The following CEP112 variants were observed in gnomAD, a reference collection of about 807,000 sequenced individuals.
CEP112 encodes the protein centrosomal protein of 112 kDa.
CEP112 carries 127 observed loss-of-function variants against 153.0 expected under a neutral mutation model. The ratio of observed to expected loss-of-function variants is 0.83; its 90% confidence interval spans 0.72 to 0.96. The LOEUF (loss-of-function observed/expected upper bound fraction) is 0.96. Ranked by LOEUF, CEP112 falls within the 40% of genes least tolerant of loss-of-function variation. CEP112 has a pLI of 0.00. For synonymous variants in CEP112, 358 were observed against 374.4 expected, an observed-to-expected ratio of 0.96 and a Z score of 0.51; for missense variants, 1,089 against 1,101.2, an observed-to-expected ratio of 0.99 and a Z score of 0.16.
At chr17:66,064,272 C>G (rs1490539413) in intron 10 of CEP112, among the ~76,000 whole-genome samples, 1 of 152,090 alleles carries the variant, frequency 6.6e-6, no homozygotes, top group Non-Finnish European at 1.5e-5. Context: ...TAAAGGAACC[C>G]CTCCTTTCAA....
chr17:65,850,742 G>C (rs1255578787), intron 21 of CEP112, among the ~76,000 whole-genome samples: 1 of 152,082 alleles, frequency 6.6e-6, no homozygotes, highest in Non-Finnish European at 1.5e-5. Context: ...ACGTGACCTG[G>C]ACCCACACCC....
At chr17:65,697,713 A>T (rs1158352115) in intron 23 of CEP112, among the ~76,000 whole-genome samples, 1 of 152,138 alleles carries the variant, frequency 6.6e-6, no homozygotes, top group Non-Finnish European at 1.5e-5. Flanking sequence ...CTGTTTTATT[A>T]TCATTTTTAA....
chr17:65,939,525 G>T (rs1450663698), intron 18 of CEP112, among the ~76,000 whole-genome samples: 1 of 152,100 alleles, frequency 6.6e-6, no homozygotes, highest in East Asian at 1.9e-4. Context: ...AAACAGCATG[G>T]TATAGGCACA....
intron 18 of CEP112, among the ~76,000 whole-genome samples, chr17:65,941,807 A>C (rs750954253): frequency 1.3e-5 from 2 of 150,920 alleles, no homozygotes; most frequent in Non-Finnish European, 3.0e-5. Context: ...TTTTGGAGAC[A>C]GTGTCTTGCT....
In CEP112 at chr17:66,176,870, C is replaced by T. The variant is rs750253375; in HGVS notation, c.257G>A (p.Arg86Gln). ...AATTTTTAGTGTCCCGGGTTCAGGT[C>T]GGTGTGTAAAAGGGCCTTCAAGCGC... ...RGALEGPFTH[R>Q]PEPGTLKILP... The change falls in exon 3 of 27, where the codon CGA (arginine) becomes CAA (glutamine). Residue 86 changes from arginine (R) to glutamine (Q), a missense_variant. Arg to Gln is a conservative substitution (Grantham distance 43). Transcript: ENST00000535342. 1.9e-6 allele frequency: 3 copies of T among 1,612,970 alleles called. No individual in the cohort carries two copies. The highest frequency in any genetic ancestry group is 1.7e-5 in the Admixed American group (1 of 59,842).
intron 12 of CEP112, among the ~76,000 whole-genome samples, chr17:66,041,856 A>C (rs2065995784): frequency 6.6e-6 from 1 of 152,154 alleles, no homozygotes; most frequent in Non-Finnish European, 1.5e-5. Context: ...AAATTCCAAA[A>C]ATTTATATAG....
At chr17:65,902,014 C>CAAAA in intron 20 of CEP112, 138 bp downstream of exon 20, 1 of 95,144 alleles carries the variant, frequency 1.1e-5, no homozygotes, top group Non-Finnish European at 1.9e-5. Context: ...GGGAGAAAAA[C>CAAAA]AAAAAAAAAA....
At chr17:65,712,825 G>A (rs894964960) in intron 23 of CEP112, among the ~76,000 whole-genome samples, 2 of 152,060 alleles carry the variant, frequency 1.3e-5, no homozygotes, top group African/African-American at 2.4e-5. Context: ...TGCTGTGGGC[G>A]ATACTCAAAA....
chr17:66,149,894 T>C (rs1395175251), intron 4 of CEP112, among the ~76,000 whole-genome samples: 3 of 104,276 alleles, frequency 2.9e-5, no homozygotes, highest in Admixed American at 9.7e-5. Context: ...GTTTGTTTTT[T>C]TTTTTTTTTT....
At chr17:66,045,077 ATTT>A (rs61108676) in intron 12 of CEP112, among the ~76,000 whole-genome samples, 4 of 136,480 alleles carry the variant, frequency 2.9e-5, no homozygotes, top group Admixed American at 1.6e-4. Context: ...CAAAAAAAAA[ATTT>A]TTTTTTTTGA....
intron 21 of CEP112, among the ~76,000 whole-genome samples, chr17:65,795,008 A>G (rs190928855): frequency 2.1e-3 from 321 of 152,358 alleles, no homozygotes; most frequent in Non-Finnish European, 3.7e-3. Context: ...AAACGTGTTG[A>G]AAGAACGAAT....
At chr17:65,828,978 C>T (rs1344621623) in intron 21 of CEP112, among the ~76,000 whole-genome samples, 1 of 151,774 alleles carries the variant, frequency 6.6e-6, no homozygotes, top group African/African-American at 2.4e-5. Context: ...TATAGATAAC[C>T]ACAGGCTTTC....
intron 4 of CEP112, among the ~76,000 whole-genome samples, chr17:66,171,550 C>T (rs970762631): frequency 5.3e-5 from 8 of 152,086 alleles, no homozygotes; most frequent in Non-Finnish European, 1.2e-4. Context: ...TATGATCACT[C>T]AGAGTAAAGG....
chr17:65,821,245 T>C (rs988023604), intron 21 of CEP112, among the ~76,000 whole-genome samples: 2 of 151,758 alleles, frequency 1.3e-5, no homozygotes, highest in Non-Finnish European at 1.5e-5. Flanking sequence ...TGTGGAAATA[T>C]GTATGTGTTT....
At chr17:65,710,906 G>A (rs1450554380) in intron 23 of CEP112, among the ~76,000 whole-genome samples, 2 of 152,314 alleles carry the variant, frequency 1.3e-5, no homozygotes, top group East Asian at 3.9e-4. Flanking sequence ...AGTGAAAACT[G>A]GGCGCTTCTG....
chr17:65,974,083 C>CT (rs954952160), intron 17 of CEP112, among the ~76,000 whole-genome samples: 36 of 146,528 alleles, frequency 2.5e-4, no homozygotes, highest in Middle Eastern at 3.4e-3. Context: ...TTTCTTACTT[C>CT]TTTTTTTTTT....
At chr17:65,691,512 T>G (rs1430004102) in intron 23 of CEP112, among the ~76,000 whole-genome samples, 1 of 152,220 alleles carries the variant, frequency 6.6e-6, no homozygotes, top group Non-Finnish European at 1.5e-5. Context: ...AGTGAAATGG[T>G]CTGTGAATGA....
At chr17:66,038,523 G>A (rs1273790146) in intron 12 of CEP112, among the ~76,000 whole-genome samples, 1 of 152,134 alleles carries the variant, frequency 6.6e-6, no homozygotes, top group African/African-American at 2.4e-5. Context: ...GAATAAAAGA[G>A]CTGAGAGGAT....
intron 24 of CEP112, among the ~76,000 whole-genome samples, chr17:65,651,651 TTCTC>T (rs977464707): frequency 2.0e-5 from 3 of 151,366 alleles, no homozygotes; most frequent in Non-Finnish European, 2.9e-5. Context: ...CTCTCTTTCT[TTCTC>T]TTTCTTTCTC....
Sources: gnomAD v4.1 joint callset for allele counts (sites outside exome capture counted in the v4.1 genomes callset) on GRCh38, gnomAD v4.1.1 for gene constraint, MANE v1.5 for transcripts, NCBI Gene and HGNC (gene_info 2026-07-23, HGNC 2026-07-21) for gene names.